Variants in CLEC4A observed in about 807,000 individuals in gnomAD.
CLEC4A encodes the protein C-type (calcium dependent, carbohydrate-recognition domain) lectin, superfamily member 6.
CLEC4A carries 27 observed loss-of-function variants against 32.7 expected under a neutral mutation model. The ratio of observed to expected loss-of-function variants is 0.83; its 90% CI spans 0.61 to 1.14. The LOEUF (loss-of-function observed/expected upper bound fraction) is 1.14, where lower values mean the gene tolerates loss of function less well. Ranked by LOEUF, CLEC4A falls within the 50% of genes most tolerant of loss-of-function variation. The pLI, the probability that CLEC4A is intolerant of heterozygous loss-of-function variation, is 0.00. For missense variants in CLEC4A, 253 were observed against 274.6 expected, an observed-to-expected ratio of 0.92 and a Z score of 0.55; for synonymous variants, 89 against 93.7, an observed-to-expected ratio of 0.95 and a Z score of 0.29.
At position 8,134,635 on chromosome 12, in the gene CLEC4A, T is replaced by C; in HGVS notation, c.299-950T>C. ...CCAGTCTGAGGCCCACAGTACGCCA[T>C]CCCCCCGCAGAACTCATACGGCGGG... On this transcript the variant is annotated intron_variant, in intron 3 of 5. Coordinates refer to ENST00000229332, the MANE Select transcript of CLEC4A (RefSeq NM_016184.4). 2 of 1,606,766 alleles carry C rather than the reference T, an allele frequency of 1.2e-6. 1 individual carries two copies. The highest frequency in any genetic ancestry group is 1.7e-6 in the Non-Finnish European group (2 of 1,177,056).
the CLEC4A span, among the ~76,000 whole-genome samples, chr12:8,108,349 G>A: frequency 2.0e-5 from 3 of 152,178 alleles, no homozygotes; most frequent in Admixed American, 6.5e-5. Flanking sequence ...GATACATTTG[G>A]TAGTTTACCG....
the CLEC4A span, among the ~76,000 whole-genome samples, chr12:8,113,879 C>A: frequency 6.6e-6 from 1 of 152,164 alleles, no homozygotes; most frequent in Non-Finnish European, 1.5e-5. Context: ...ATTGTGTCCC[C>A]AAGTGATAAA....
At chr12:8,113,762 A>C in the CLEC4A span, among the ~76,000 whole-genome samples, 1 of 152,190 alleles carries the variant, frequency 6.6e-6, no homozygotes, top group Non-Finnish European at 1.5e-5. Context: ...TAAATGGGGA[A>C]GAGGGAAAGC....
chr12:8,103,360 T>C, the CLEC4A span, among the ~76,000 whole-genome samples: 1 of 143,452 alleles, frequency 7.0e-6, no homozygotes, highest in South Asian at 2.2e-4. Context: ...TAGTTGTTTC[T>C]TTGTTTCTTT....
chr12:8,114,307 T>G, the CLEC4A span, among the ~76,000 whole-genome samples: 23 of 148,262 alleles, frequency 1.6e-4, no homozygotes, highest in Admixed American at 4.1e-4. Flanking sequence ...TGCAGTGGCG[T>G]GATCTCGGCT....
rs1948159340 is a variant in CLEC4A at position 8,138,163 on chromosome 12, G to A, written c.590G>A (p.Ser197Asn). 1.2e-6 allele frequency: 2 copies of A among 1,614,060 alleles called. No homozygotes were observed. The highest frequency in any genetic ancestry group is 1.7e-6 in the Non-Finnish European group (2 of 1,180,002). ...AGATTCTGGCATCCACGTGAGCCCAGTGATCCCAATGAGCGCTGCGTTGTG... is the reference window on the plus strand; with the variant it reads ...AGATTCTGGCATCCACGTGAGCCCAATGATCCCAATGAGCGCTGCGTTGTG... The part of the protein sequence containing the change: ...SSTFWHPREP[S>N]DPNERCVVLN... Residue 197 changes from serine (S) to asparagine (N), a missense_variant, in exon 6 of 6, where the codon AGT becomes AAT. By Grantham distance (46) the Ser-to-Asn change is conservative (BLOSUM62 1). Transcript: ENST00000229332.
At chr12:8,121,368 A>G (rs1277811414), upstream of CLEC4A, 1 of 152,214 alleles carries the variant, frequency 6.6e-6, no homozygotes, top group Non-Finnish European at 1.5e-5. Flanking sequence ...AGAACTTAAA[A>G]TTCCCTTATC....
upstream of CLEC4A, chr12:8,121,384 C>G (rs1947829351): frequency 6.6e-6 from 1 of 152,244 alleles, no homozygotes; most frequent in African/African-American, 2.4e-5. Flanking sequence ...TTATCCTTCC[C>G]TTATGCTTTG....
At chr12:8,118,657 A>AG (rs1947807787), upstream of CLEC4A, among the ~76,000 whole-genome samples, 1 of 152,170 alleles carries the variant, frequency 6.6e-6, no homozygotes, top group African/African-American at 2.4e-5. Flanking sequence ...GACACTACCA[A>AG]GGGGGAAATC....
upstream of CLEC4A, among the ~76,000 whole-genome samples, chr12:8,122,338 G>A (rs1947839813): frequency 6.6e-6 from 1 of 151,878 alleles, no homozygotes; most frequent in Non-Finnish European, 1.5e-5. Flanking sequence ...GGGTCTAAGT[G>A]GTGACTAGGG....
rs756685317 is a variant in CLEC4A at position 8,132,174 on chromosome 12, G to GT, written c.298+2818dup. ...GTGACCCTTTAACATATCACCACGT[G>GT]TTTTTTCTTTTGTTTTGGTTTAGCA... is the stretch of plus-strand genomic sequence containing the variant. On this transcript the variant is annotated intron_variant, in intron 3 of 5. Transcript: ENST00000229332. 1.2e-4 allele frequency among the ~76,000 whole-genome samples: 18 copies of GT among 152,284 alleles called. No individual in the cohort carries two copies. The South Asian group carries it at 3.5e-3, about 30-fold the overall frequency.
At chr12:8,134,978 TG>T (rs140708245) in intron 3 of CLEC4A, 3,995 of 305,444 alleles carry the variant, frequency 0.013, 488 homozygotes, top group African/African-American at 0.052. Context: ...GAAGCGTTTT[TG>T]TTTTTTGTTT....
the CLEC4A span, among the ~76,000 whole-genome samples, chr12:8,103,376 GTTTTTT>G: frequency 8.8e-5 from 5 of 56,506 alleles, no homozygotes; most frequent in African/African-American, 3.3e-4. Context: ...TCTTTCTGTT[GTTTTTT>G]TTTTTTTTTT....
At chr12:8,134,635 T>TC (rs1258827528) in intron 3 of CLEC4A, 7 of 1,606,772 alleles carry the variant, frequency 4.4e-6, no homozygotes, top group Admixed American at 1.7e-5. Context: ...CAGTACGCCA[T>TC]CCCCCCGCAG....
At chr12:8,106,684 T>C in the CLEC4A span, among the ~76,000 whole-genome samples, 1 of 152,194 alleles carries the variant, frequency 6.6e-6, no homozygotes, top group Admixed American at 6.5e-5. Flanking sequence ...ACATTTTTGA[T>C]TTGCCTCTCA....
At chr12:8,121,179 A>G (rs1947827678), upstream of CLEC4A, 1 of 152,238 alleles carries the variant, frequency 6.6e-6, no homozygotes. Context: ...GGTGTAATCC[A>G]GTTATAATGT....
chr12:8,103,628 C>T, the CLEC4A span, among the ~76,000 whole-genome samples: 3 of 152,108 alleles, frequency 2.0e-5, no homozygotes, highest in Admixed American at 6.5e-5. Flanking sequence ...CTCATGATCC[C>T]TCTGCCTTGG....
intron 3 of CLEC4A, among the ~76,000 whole-genome samples, chr12:8,131,349 A>G (rs1176765590): frequency 6.6e-6 from 1 of 152,142 alleles, no homozygotes; most frequent in African/African-American, 2.4e-5. Flanking sequence ...ATGAGGGTGG[A>G]TTATGGTATC....
At chr12:8,125,817 C>T (rs570960888) in intron 2 of CLEC4A, 140 bp downstream of exon 2, 21 of 628,206 alleles carry the variant, frequency 3.3e-5, no homozygotes, top group Middle Eastern at 3.6e-4. Context: ...TCATGGGAAT[C>T]CACTGTGAAT....
Sources: allele counts gnomAD v4.1 joint callset (sites outside exome capture counted in the v4.1 genomes callset), GRCh38; gene constraint gnomAD v4.1.1; transcripts MANE v1.5; gene names NCBI Gene and HGNC (gene_info 2026-07-23, HGNC 2026-07-21).